Variants in TCERG1L observed in about 807,000 individuals in gnomAD.
TCERG1L encodes the protein transcription elongation regulator 1-like protein.
Under a neutral mutation model 56.3 loss-of-function variants are expected in TCERG1L, and 37 were observed. The observed-to-expected ratio is 0.66, with a 90% CI of 0.51 to 0.87. TCERG1L has a LOEUF of 0.87. Ranked by LOEUF, TCERG1L falls within the 40% of genes least tolerant of loss-of-function variation. The pLI, the probability that TCERG1L is intolerant of heterozygous loss-of-function variation, is 0.00. For synonymous variants in TCERG1L, 324 were observed against 326.3 expected, an observed-to-expected ratio of 0.99 and a Z score of 0.08; for missense variants, 799 against 774.2, an observed-to-expected ratio of 1.03 and a Z score of -0.38.
intron 4 of TCERG1L, among the ~76,000 whole-genome samples, chr10:131,206,061 A>G (rs1457617207): frequency 6.6e-6 from 1 of 152,246 alleles, no homozygotes; most frequent in African/African-American, 2.4e-5. Context: ...AAAGGGCAGG[A>G]AAATGGATGC....
intron 4 of TCERG1L, among the ~76,000 whole-genome samples, chr10:131,218,712 G>A (rs1479823300): frequency 1.3e-5 from 2 of 152,158 alleles, no homozygotes; most frequent in African/African-American, 4.8e-5. Context: ...GAGCCACCGG[G>A]AATCATCTCA....
intron 4 of TCERG1L, among the ~76,000 whole-genome samples, chr10:131,232,073 C>A (rs1181152439): frequency 3.3e-5 from 5 of 152,254 alleles, no homozygotes; most frequent in South Asian, 2.1e-4. Context: ...GGCCATTCTG[C>A]CACCTCCTTG....
At chr10:131,253,195 G>A (rs1047483274) in intron 4 of TCERG1L, among the ~76,000 whole-genome samples, 6 of 152,318 alleles carry the variant, frequency 3.9e-5, no homozygotes, top group African/African-American at 7.2e-5. Flanking sequence ...GCCACCGGGT[G>A]ATTGATTTGA....
intron 3 of TCERG1L, among the ~76,000 whole-genome samples, chr10:131,264,533 G>C (rs1170774104): frequency 6.6e-6 from 1 of 152,214 alleles, no homozygotes; most frequent in East Asian, 1.9e-4. Flanking sequence ...GGCTGCACTG[G>C]GCAGGTCTCA....
At chr10:131,105,562 A>G (rs1845344063) in intron 9 of TCERG1L, among the ~76,000 whole-genome samples, 1 of 151,412 alleles carries the variant, frequency 6.6e-6, no homozygotes, top group South Asian at 2.1e-4. Context: ...GTGACTGGGA[A>G]ATGTTCTGGA....
chr10:131,251,828 G>A (rs1189863522), intron 4 of TCERG1L, among the ~76,000 whole-genome samples: 1 of 152,148 alleles, frequency 6.6e-6, no homozygotes, highest in Non-Finnish European at 1.5e-5. Context: ...ATACAGTTCA[G>A]TGGCATTAAA....
At position 131,092,936 on chromosome 10, in the gene TCERG1L, G is replaced by A. The variant is rs1845194746; in HGVS notation, c.*226C>T. The A allele has an allele frequency of 6.3e-6, 3 of 475,788 alleles. No homozygotes were observed. The East Asian group carries it at 1.0e-4, about 16-fold the overall frequency. The allele number at this position is 475,788 out of a possible 1,614,324, so 29.5% of individuals were successfully genotyped here. ...ATTTGCATAATTAAAACAATTAAGG[G>A]ATCGACGTATCACGGTGATTAGAAA... On this transcript the variant is annotated 3_prime_UTR_variant, in exon 12 of 12. Transcript: ENST00000368642.
At chr10:131,250,588 G>A (rs1412163479) in intron 4 of TCERG1L, among the ~76,000 whole-genome samples, 2 of 152,096 alleles carry the variant, frequency 1.3e-5, no homozygotes, top group Non-Finnish European at 2.9e-5. Flanking sequence ...GTCACTCATC[G>A]CTTGCCTAGA....
At chr10:131,191,878 A>AAG (rs1229612249) in intron 4 of TCERG1L, among the ~76,000 whole-genome samples, 1 of 137,858 alleles carries the variant, frequency 7.3e-6, no homozygotes, top group Non-Finnish European at 1.6e-5. Context: ...AAAAAAAAAA[A>AAG]AAAAAAAAAA....
At chr10:131,201,013 C>T (rs899847687) in intron 4 of TCERG1L, among the ~76,000 whole-genome samples, 4 of 152,150 alleles carry the variant, frequency 2.6e-5, no homozygotes, top group Non-Finnish European at 4.4e-5. Flanking sequence ...TACAGAATCA[C>T]GGCGCCATCT....
intron 4 of TCERG1L, among the ~76,000 whole-genome samples, chr10:131,244,570 A>G (rs1280847549): frequency 6.6e-6 from 1 of 152,108 alleles, no homozygotes; most frequent in Non-Finnish European, 1.5e-5. Flanking sequence ...TTGTCTCCAG[A>G]GTACACAGCA....
chr10:131,206,056 G>T (rs1343908580), intron 4 of TCERG1L, among the ~76,000 whole-genome samples: 2 of 152,232 alleles, frequency 1.3e-5, no homozygotes, highest in African/African-American at 4.8e-5. Flanking sequence ...CTCTGAAAGG[G>T]CAGGAAAATG....
chr10:131,220,538 G>A lies in TCERG1L; in HGVS notation c.856+39721C>T, dbSNP rs537796537. On this transcript the variant is annotated intron_variant, in intron 4 of 11. Coordinates refer to ENST00000368642, the MANE Select transcript of TCERG1L (RefSeq NM_174937.4). The stretch of plus-strand genomic sequence containing the variant: ...GGCTACTGACCTTACTTGGTGTCTT[G>A]TGGGGCCAGGGAAATGGGTTCAGAG... Among the ~76,000 whole-genome samples, 3 of 152,312 alleles carry A rather than the reference G, an allele frequency of 2.0e-5. No homozygotes were observed. The South Asian group carries it at 6.2e-4, about 32-fold the overall frequency.
chr10:131,277,157 G>A (rs1377610749), intron 3 of TCERG1L, among the ~76,000 whole-genome samples: 2 of 152,086 alleles, frequency 1.3e-5, no homozygotes, highest in South Asian at 2.1e-4. Flanking sequence ...AGGAAGAGCA[G>A]AGACCGGGCT....
At chr10:131,101,862 G>A (rs1845307269) in intron 10 of TCERG1L, among the ~76,000 whole-genome samples, 1 of 152,046 alleles carries the variant, frequency 6.6e-6, no homozygotes, top group South Asian at 2.1e-4. Flanking sequence ...CATTACACTT[G>A]GCTAATTTTT....
intron 4 of TCERG1L, among the ~76,000 whole-genome samples, chr10:131,193,895 T>C (rs1845330226): frequency 6.6e-6 from 1 of 152,260 alleles, no homozygotes; most frequent in Non-Finnish European, 1.5e-5. Flanking sequence ...TGAGTCTTGC[T>C]GGAAAGCACA....
chr10:131,139,768 GTA>G (rs1195019473), intron 7 of TCERG1L, among the ~76,000 whole-genome samples: 3 of 151,280 alleles, frequency 2.0e-5, no homozygotes, highest in South Asian at 4.2e-4. Context: ...GTTTCTGTAT[GTA>G]TATGTGTGTC....
At position 131,221,259 on chromosome 10, in the gene TCERG1L, G is replaced by A. The variant is rs1033951876; in HGVS notation, c.856+39000C>T. Among the ~76,000 whole-genome samples the A allele has an allele frequency of 9.2e-5, 14 of 152,248 alleles. No individual in the cohort carries two copies. The South Asian group carries it at 1.0e-3, about 11-fold the overall frequency. On this transcript the variant is annotated intron_variant, in intron 4 of 11. Coordinates refer to ENST00000368642, the MANE Select transcript of TCERG1L (RefSeq NM_174937.4). ...GCTGCGGGGTGGGAGGCCCCTGGCC[G>A]TCCAGGAAAGGCAGGAGGAAGTCTG...
chr10:131,254,662 G>T (rs762216886), intron 4 of TCERG1L, among the ~76,000 whole-genome samples: 15 of 152,166 alleles, frequency 9.9e-5, no homozygotes, highest in Non-Finnish European at 2.1e-4. Flanking sequence ...CCGTGGACTC[G>T]GTGTGGGTTG....
Sources: allele counts gnomAD v4.1 joint callset (sites outside exome capture counted in the v4.1 genomes callset), GRCh38; gene constraint gnomAD v4.1.1; transcripts MANE v1.5; gene names NCBI Gene and HGNC (gene_info 2026-07-23, HGNC 2026-07-21).